AGAP1: variants seen among roughly 807,000 people sequenced by gnomAD.
AGAP1 encodes ArfGAP with GTPase domain, ankyrin repeat and PH domain 1, also known as arf-GAP with GTPase, ANK repeat and PH domain-containing protein 1.
AGAP1 carries 29 observed loss-of-function variants against 105.3 expected under a neutral mutation model. The ratio of observed to expected loss-of-function variants is 0.28; its 90% CI spans 0.21 to 0.38. The LOEUF is 0.38. Ranked by LOEUF, AGAP1 falls within the 10% of genes least tolerant of loss-of-function variation. The probability of loss-of-function intolerance (pLI) is 1.00; values close to 1 mark genes in which losing one functional copy is unlikely to be tolerated. For synonymous variants in AGAP1, 509 were observed against 485.9 expected (o/e 1.05, Z -0.63); for missense variants, 998 against 1,165.1 (o/e 0.86, Z 2.09).
At chr2:235,969,222 T>A (rs2125347651) in intron 13 of AGAP1, among the ~76,000 whole-genome samples, 1 of 152,278 alleles carries the variant, frequency 6.6e-6, no homozygotes. Context: ...TGGCTGGATG[T>A]CAGCTTCCTG....
intron 1 of AGAP1, among the ~76,000 whole-genome samples, chr2:235,666,044 G>A (rs1468203374): frequency 6.6e-6 from 1 of 152,178 alleles, no homozygotes; most frequent in Admixed American, 6.5e-5. Context: ...AACTAAGGGA[G>A]CGAAGCCAGC....
Position 236,027,046 on chromosome 2 carries a change from A to C in AGAP1, c.1646-9515A>C, listed in dbSNP as rs1177259351. On this transcript the variant is annotated intron_variant, in intron 13 of 17. Transcript: ENST00000304032. The surrounding 1 kb of genome is among the most constrained non-coding windows in gnomAD (Gnocchi z 4.4). ...ACAGAATTTGGAGCCCAGTGGTATT[A>C]TTTTCTATGTTTATTACTCCATGCA... Among the ~76,000 whole-genome samples, 1 of 152,112 alleles carries C rather than the reference A, an allele frequency of 6.6e-6. No homozygotes were observed. The highest frequency in any genetic ancestry group is 2.4e-5 in the African/African-American group (1 of 41,424).
intron 14 of AGAP1, among the ~76,000 whole-genome samples, chr2:236,037,071 G>T (rs1005655013): frequency 1.3e-5 from 2 of 152,178 alleles, no homozygotes; most frequent in African/African-American, 4.8e-5. Context: ...CTTAAAAGAT[G>T]CACTGTTCAA....
intron 16 of AGAP1, among the ~76,000 whole-genome samples, chr2:236,060,591 C>T (rs114467155): frequency 2.0e-5 from 3 of 151,738 alleles, no homozygotes; most frequent in Admixed American, 1.3e-4. Flanking sequence ...GCTACTCAGG[C>T]GGCTGAGGCA....
rs74382635 is a variant in AGAP1, at chr2:235,596,567, G to C, written c.163+101718G>C. Among the ~76,000 whole-genome samples, 1 of 152,194 alleles carries C rather than the reference G, an allele frequency of 6.6e-6. No homozygotes were observed. The highest frequency in any genetic ancestry group is 1.5e-5 in the Non-Finnish European group (1 of 68,034). ...GTCTGGGGAAAGGCAGGCAGAGTTG[G>C]AGAGACCCTTCCCGGGTTCCTGGTT... On this transcript the variant is annotated intron_variant, in intron 1 of 17. Coordinates refer to ENST00000304032, the MANE Select transcript of AGAP1 (RefSeq NM_001037131.3). This position sits in a 1 kb window ranked among gnomAD's most constrained non-coding sequence, Gnocchi z 5.9.
At position 235,620,525 on chromosome 2, in the gene AGAP1, G is replaced by A. The variant is rs969783994; in HGVS notation, c.164-88654G>A. ...CTCTTTTTGGAAAACCTTCCTGGGG[G>A]CCCTTGCAGCTTGGCCCTCGCATCC... On this transcript the variant is annotated intron_variant, in intron 1 of 17. Coordinates refer to ENST00000304032, the MANE Select transcript of AGAP1 (RefSeq NM_001037131.3). The surrounding 1 kb of genome is among the most constrained non-coding windows in gnomAD (Gnocchi z 4.5). Among the ~76,000 whole-genome samples the A allele has an allele frequency of 4.6e-5, 7 of 152,094 alleles. No individual in the cohort carries two copies. Among genetic ancestry groups the A allele is most frequent in the Admixed American group, 4.6e-4 (7 of 15,272 alleles).
intron 3 of AGAP1, among the ~76,000 whole-genome samples, chr2:235,727,480 G>A (rs1211450330): frequency 3.3e-5 from 5 of 152,178 alleles, no homozygotes; most frequent in African/African-American, 1.2e-4. Flanking sequence ...GCTACCTCTG[G>A]TAAGTGTCTC....
Position 235,750,987 on chromosome 2 carries a change from G to GT in AGAP1, c.673+500dup, listed in dbSNP as rs1356494809. Among the ~76,000 whole-genome samples, 1 of 152,160 alleles carries GT rather than the reference G, an allele frequency of 6.6e-6. No homozygotes were observed. The highest frequency in any genetic ancestry group is 2.4e-5 in the African/African-American group (1 of 41,438). ...GACACGATACCACTCACAGCAGAGG[G>GT]TGAGGACCAGCCTTTTGGAATTGTT... On this transcript the variant is annotated intron_variant, in intron 6 of 17. Transcript: ENST00000304032. This position sits in a 1 kb window ranked among gnomAD's most constrained non-coding sequence, Gnocchi z 5.3.
intron 13 of AGAP1, among the ~76,000 whole-genome samples, chr2:235,997,506 C>T (rs560965539): frequency 1.4e-4 from 22 of 152,278 alleles, no homozygotes; most frequent in African/African-American, 4.8e-4. Context: ...TTTTGTAGCG[C>T]GGCCATACAT....
chr2:236,106,655 G>T (rs1256290133), intron 16 of AGAP1, among the ~76,000 whole-genome samples: 2 of 152,224 alleles, frequency 1.3e-5, no homozygotes, highest in African/African-American at 4.8e-5. Flanking sequence ...AAGGTGGCTG[G>T]AGTCACGCAC....
rs1951833104 is a variant in AGAP1, at chr2:235,729,580, G to A, written c.311-11383G>A. Among the ~76,000 whole-genome samples, 1 of 152,110 alleles carries A rather than the reference G, an allele frequency of 6.6e-6. No homozygotes were observed. The highest frequency in any genetic ancestry group is 1.5e-5 in the Non-Finnish European group (1 of 68,040). On this transcript the variant is annotated intron_variant, in intron 3 of 17. Coordinates refer to ENST00000304032, the MANE Select transcript of AGAP1 (RefSeq NM_001037131.3). This position sits in a 1 kb window ranked among gnomAD's most constrained non-coding sequence, Gnocchi z 5.0. ...TTGGTGCTTTCCAGCTCAGGGCGTT[G>A]GTCCACTTGGTTATTCTTGGGGACC...
At chr2:235,649,067 C>G (rs1947493132) in intron 1 of AGAP1, among the ~76,000 whole-genome samples, 2 of 152,178 alleles carry the variant, frequency 1.3e-5, no homozygotes, top group Admixed American at 1.3e-4. Context: ...AGTAGTTACA[C>G]TTTTCTGGAA....
At chr2:236,024,043 T>G (rs1221457006) in intron 13 of AGAP1, among the ~76,000 whole-genome samples, 20 of 148,330 alleles carry the variant, frequency 1.3e-4, no homozygotes, top group South Asian at 8.7e-4. Context: ...TGTTTTTTTT[T>G]TTTTTTGGAG....
At position 235,611,271 on chromosome 2, in the gene AGAP1, C is replaced by T. The variant is rs1457303663; in HGVS notation, c.164-97908C>T. Among the ~76,000 whole-genome samples the T allele has an allele frequency of 6.6e-6, 1 of 152,250 alleles. No individual in the cohort carries two copies. Among genetic ancestry groups the T allele is most frequent in the Non-Finnish European group, 1.5e-5 (1 of 68,040 alleles). On this transcript the variant is annotated intron_variant, in intron 1 of 17. Transcript: ENST00000304032. This position sits in a 1 kb window ranked among gnomAD's most constrained non-coding sequence, Gnocchi z 5.0. ...CTTGGTTTGACTCCCTTGTGGCCCA[C>T]ACAACACTTTCGTTGGAGATGAAGA...
At chr2:235,859,951 C>G (rs988343310) in intron 9 of AGAP1, among the ~76,000 whole-genome samples, 1 of 152,228 alleles carries the variant, frequency 6.6e-6, no homozygotes, top group Non-Finnish European at 1.5e-5. Context: ...GCGAATGTCT[C>G]TTGTAAAGGA....
At chr2:235,709,416 G>T (rs141602685) in intron 2 of AGAP1, among the ~76,000 whole-genome samples, 179 bp downstream of exon 2, 280 of 152,302 alleles carry the variant, frequency 1.8e-3, no homozygotes, top group Middle Eastern at 0.01. Context: ...CCAAGTTCCT[G>T]AGTGCCCCTG....
At chr2:235,683,720 T>G (rs966348263) in intron 1 of AGAP1, among the ~76,000 whole-genome samples, 6 of 151,766 alleles carry the variant, frequency 4.0e-5, no homozygotes, top group African/African-American at 1.2e-4. Flanking sequence ...TATTATATTT[T>G]AAGTTCTAGG....
intron 1 of AGAP1, among the ~76,000 whole-genome samples, chr2:235,571,090 A>G (rs1944497036): frequency 6.6e-6 from 1 of 152,132 alleles, no homozygotes; most frequent in Middle Eastern, 3.2e-3. Context: ...GAGGGGTTGC[A>G]GGGGGCTGTG....
chr2:235,909,406 T>A (rs1355079429), intron 11 of AGAP1, among the ~76,000 whole-genome samples: 1 of 152,116 alleles, frequency 6.6e-6, no homozygotes, highest in Admixed American at 6.5e-5. Flanking sequence ...TTAAAGGAGA[T>A]TTTTTTTCAT....
Sources: gnomAD v4.1 joint callset for allele counts (sites outside exome capture counted in the v4.1 genomes callset) on GRCh38, gnomAD v4.1.1 for gene constraint, Gnocchi (gnomAD v3.1) non-coding constraint, MANE v1.5 for transcripts, NCBI Gene and HGNC (gene_info 2026-07-23, HGNC 2026-07-21) for gene names.